AFG1L: variants seen among roughly 807,000 people sequenced by gnomAD.
AFG1L encodes AFG1 like ATPase, also known as AFG1-like ATPase.
In AFG1L, 53 loss-of-function variants were observed where a neutral mutation model predicts 62.2. The observed-to-expected ratio is 0.85, with a 90% CI of 0.68 to 1.07. The LOEUF (loss-of-function observed/expected upper bound fraction) is 1.07, where lower values mean the gene tolerates loss of function less well. Among genes scored for constraint, AFG1L ranks in the 50% least tolerant of loss-of-function variants. The pLI is 0.00. For synonymous variants in AFG1L, 228 were observed against 210.3 expected, an observed-to-expected ratio of 1.08 and a Z score of -0.73; for missense variants, 555 against 590.5, an observed-to-expected ratio of 0.94 and a Z score of 0.62.
rs538048634 is a variant in AFG1L, at chr6:108,307,201, A to G, written c.139+11983A>G. Among the ~76,000 whole-genome samples the G allele has an allele frequency of 4.0e-3, 612 of 151,162 alleles. 6 individuals carry two copies. Among genetic ancestry groups the G allele is most frequent in the African/African-American group, 0.014 (563 of 41,224 alleles). On this transcript the variant is annotated intron_variant, in intron 1 of 12. Transcript: ENST00000368977. ...GCTAATTTTTGCATTTTTAGTAGAG[A>G]CAGGGTTTCACAATGTTGGCCAGGC...
intron 10 of AFG1L, among the ~76,000 whole-genome samples, chr6:108,492,819 T>C (rs1041679545): frequency 3.3e-5 from 5 of 152,158 alleles, no homozygotes; most frequent in Non-Finnish European, 7.3e-5. Flanking sequence ...AATTTTTTCT[T>C]TGTTCTTTAT....
chr6:108,319,366 G>A (rs187767682), intron 1 of AFG1L, among the ~76,000 whole-genome samples: 3 of 152,136 alleles, frequency 2.0e-5, no homozygotes, highest in African/African-American at 7.2e-5. Flanking sequence ...TTAGCCCTCC[G>A]AGTAGCAATA....
chr6:108,366,179 A>G lies in AFG1L; in HGVS notation c.649-54A>G, dbSNP rs17069535. On this transcript the variant is annotated intron_variant, in intron 5 of 12. Transcript: ENST00000368977. ...AAAAAAAAAGATGATCCACTAGCAAATTTGTTACAGCAGAAGTGAAATTAA... is the reference window on the plus strand; with the variant it reads ...AAAAAAAAAGATGATCCACTAGCAAGTTTGTTACAGCAGAAGTGAAATTAA... The G allele has an allele frequency of 1.3e-3, 1,423 of 1,131,318 alleles. 13 individuals carry two copies. The African/African-American group carries it at 0.02, about 16-fold the overall frequency. 70.1% of individuals were successfully genotyped at this position (1,131,318 alleles called of 1,614,324 possible).
At position 108,519,827 on chromosome 6, in the gene AFG1L, T is replaced by C; in HGVS notation, c.1317+17T>C. ...CTGAGCCAGGTAGGCGATATTAACA[T>C]AATCTCTTTTTATTATAAAACAGCT... is the stretch of plus-strand genomic sequence containing the variant. On this transcript the variant is annotated intron_variant, in intron 12 of 12. Transcript: ENST00000368977. The C allele has an allele frequency of 1.4e-6, 2 of 1,480,540 alleles. No homozygotes were observed. Among genetic ancestry groups the C allele is most frequent in the Non-Finnish European group, 9.3e-7 (1 of 1,073,748 alleles). 91.7% of individuals were successfully genotyped at this position (1,480,540 alleles called of 1,614,324 possible).
chr6:108,383,197 C>G (rs901169237), intron 6 of AFG1L, among the ~76,000 whole-genome samples: 1 of 152,168 alleles, frequency 6.6e-6, no homozygotes, highest in African/African-American at 2.4e-5. Flanking sequence ...CAGGCCACTA[C>G]ACTCCAGCCT....
intron 11 of AFG1L, among the ~76,000 whole-genome samples, chr6:108,517,418 A>C (rs966344510): frequency 1.3e-5 from 2 of 152,252 alleles, no homozygotes; most frequent in African/African-American, 2.4e-5. Context: ...TTCCCTATTT[A>C]ATAAATGGTG....
At chr6:108,417,866 C>T (rs190846222) in intron 7 of AFG1L, among the ~76,000 whole-genome samples, 319 of 152,214 alleles carry the variant, frequency 2.1e-3, no homozygotes, top group African/African-American at 7.4e-3. Flanking sequence ...TGGAGTCTCA[C>T]TCTGTCGCCC....
At chr6:108,323,389 A>T (rs1231348084) in intron 1 of AFG1L, among the ~76,000 whole-genome samples, 1 of 151,808 alleles carries the variant, frequency 6.6e-6, no homozygotes, top group African/African-American at 2.4e-5. Flanking sequence ...TTTGAGACCG[A>T]GTGTCACTCT....
intron 1 of AFG1L, among the ~76,000 whole-genome samples, chr6:108,310,879 G>A (rs1215703063): frequency 2.0e-5 from 3 of 152,116 alleles, no homozygotes; most frequent in Admixed American, 6.5e-5. Context: ...GTGCCTGGAA[G>A]TTAATATTAT....
chr6:108,334,749 G>C lies in AFG1L; in HGVS notation c.363+10701G>C, dbSNP rs541965360. The stretch of plus-strand genomic sequence containing the variant: ...CCCCTCAGGATAAACTACAAACTCA[G>C]CATGTCCTTCAAAGTTCTTGAGAGC... On this transcript the variant is annotated intron_variant, in intron 2 of 12. Transcript: ENST00000368977. 2.6e-5 allele frequency among the ~76,000 whole-genome samples: 4 copies of C among 152,162 alleles called. No homozygotes were observed. The East Asian group carries it at 5.8e-4, about 22-fold the overall frequency.
intron 8 of AFG1L, among the ~76,000 whole-genome samples, chr6:108,465,915 A>G (rs191583947): frequency 2.7e-4 from 41 of 152,180 alleles, no homozygotes; most frequent in African/African-American, 7.5e-4. Context: ...AAGTGTCACT[A>G]TGTTGCCCAG....
chr6:108,415,092 T>C (rs191143052), intron 7 of AFG1L, among the ~76,000 whole-genome samples: 27 of 152,286 alleles, frequency 1.8e-4, no homozygotes, highest in African/African-American at 6.5e-4. Flanking sequence ...ACAAAATCAA[T>C]GTGCAAAAAT....
chr6:108,422,565 T>C (rs1198639373), intron 7 of AFG1L, among the ~76,000 whole-genome samples: 1 of 148,216 alleles, frequency 6.7e-6, no homozygotes, highest in African/African-American at 2.5e-5. Flanking sequence ...AAGGAGGTGC[T>C]GAAATAATTT....
chr6:108,422,386 A>C (rs1380963238), intron 7 of AFG1L, among the ~76,000 whole-genome samples: 1 of 150,640 alleles, frequency 6.6e-6, no homozygotes, highest in East Asian at 1.9e-4. Flanking sequence ...TGAAACAATA[A>C]GTCACCTAAA....
chr6:108,488,133 G>C (rs543198056), intron 10 of AFG1L, among the ~76,000 whole-genome samples: 1 of 152,264 alleles, frequency 6.6e-6, no homozygotes, highest in South Asian at 2.1e-4. Flanking sequence ...CCCTTATGCA[G>C]GGTAACAGAC....
chr6:108,505,887 A>T (rs1272338676), intron 10 of AFG1L, among the ~76,000 whole-genome samples: 1 of 152,092 alleles, frequency 6.6e-6, no homozygotes, highest in Non-Finnish European at 1.5e-5. Context: ...GGAGAAGAGA[A>T]AGGGAATGGA....
Position 108,399,174 on chromosome 6 carries a change from G to GTTT in AFG1L, c.749-2821_749-2819dup, listed in dbSNP as rs1424528059. ...ATTGCAAAGATCTGTCACTTCTTTT[G>GTTT]TTTGTTTTTTTTTTTTTTTTTTTTT... On this transcript the variant is annotated intron_variant, in intron 6 of 12. Transcript: ENST00000368977. Among the ~76,000 whole-genome samples the GTTT allele has an allele frequency of 2.5e-3, 128 of 51,406 alleles. 13 individuals carry two copies. Among genetic ancestry groups the GTTT allele is most frequent in the Middle Eastern group, 0.014 (1 of 72 alleles). The allele number at this position is 51,406 out of a possible 152,430, so 33.7% of individuals were successfully genotyped here.
intron 2 of AFG1L, among the ~76,000 whole-genome samples, chr6:108,333,930 C>T (rs1264824862): frequency 1.3e-5 from 2 of 152,140 alleles, no homozygotes; most frequent in Non-Finnish European, 2.9e-5. Context: ...TTCAATTTTG[C>T]CTGTTTGTAA....
At chr6:108,414,930 G>C (rs911016535) in intron 7 of AFG1L, among the ~76,000 whole-genome samples, 1 of 152,162 alleles carries the variant, frequency 6.6e-6, no homozygotes, top group Non-Finnish European at 1.5e-5. Flanking sequence ...GGGCAATCAG[G>C]CAAGGGAAAG....
Sources: gnomAD v4.1 joint callset for allele counts (sites outside exome capture counted in the v4.1 genomes callset) on GRCh38, gnomAD v4.1.1 for gene constraint, MANE v1.5 for transcripts, NCBI Gene and HGNC (gene_info 2026-07-23, HGNC 2026-07-21) for gene names.